Variants in ZNG1B observed in about 807,000 individuals in gnomAD.
ZNG1B encodes the protein Zn regulated GTPase metalloprotein activator 1B.
the ZNG1B span, among the ~76,000 whole-genome samples, chr2:113,488,551 G>C: frequency 6.6e-6 from 1 of 151,526 alleles, no homozygotes; most frequent in Non-Finnish European, 1.5e-5. Flanking sequence ...AATTCACTAG[G>C]TTGGTTATTA....
the ZNG1B span, among the ~76,000 whole-genome samples, chr2:113,484,961 G>A: frequency 7.2e-5 from 11 of 151,790 alleles, no homozygotes; most frequent in Admixed American, 1.3e-4. Flanking sequence ...CACTGTGCCC[G>A]GCCTCAATGT....
At chr2:113,445,800 T>TA in the ZNG1B span, among the ~76,000 whole-genome samples, 396 of 139,810 alleles carry the variant, frequency 2.8e-3, 9 homozygotes, top group Non-Finnish European at 5.2e-3. Flanking sequence ...ACCATTATTT[T>TA]TTTTTTTTTT....
the ZNG1B span, among the ~76,000 whole-genome samples, chr2:113,489,540 G>A: frequency 6.6e-6 from 1 of 152,062 alleles, no homozygotes. Context: ...GAATATAAAT[G>A]GCCTAAATGC....
the ZNG1B span, chr2:113,447,940 G>A: frequency 2.5e-6 from 1 of 407,450 alleles, no homozygotes; most frequent in Admixed American, 2.9e-5. Context: ...CATCTGTGAG[G>A]GCTGGAATCA....
At chr2:113,438,999 A>T in the ZNG1B span, 1 of 1,052,302 alleles carries the variant, frequency 9.5e-7, no homozygotes, top group Non-Finnish European at 1.4e-6. Flanking sequence ...AAAGGAATTT[A>T]TTTTTGGCGT....
At chr2:113,483,776 G>A in the ZNG1B span, among the ~76,000 whole-genome samples, 3 of 152,084 alleles carry the variant, frequency 2.0e-5, no homozygotes, top group African/African-American at 4.8e-5. Context: ...TCAAACGTGC[G>A]TAAGAGTAGA....
At chr2:113,444,912 A>C in the ZNG1B span, 1 of 1,603,666 alleles carries the variant, frequency 6.2e-7, no homozygotes, top group Non-Finnish European at 8.5e-7. Flanking sequence ...TATAATAATC[A>C]CTTCAAAATA....
the ZNG1B span, chr2:113,438,143 G>T: frequency 3.7e-6 from 6 of 1,602,044 alleles, 1 homozygote; most frequent in Admixed American, 1.7e-5. Flanking sequence ...TGTCTTCGAG[G>T]TAGGGGCTGG....
chr2:113,470,982 G>C, the ZNG1B span: 6 of 1,582,812 alleles, frequency 3.8e-6, no homozygotes, highest in Admixed American at 1.7e-5. Context: ...TGATTAATTG[G>C]ATGTATTTCA....
chr2:113,487,014 A>G, the ZNG1B span, among the ~76,000 whole-genome samples: 1 of 146,450 alleles, frequency 6.8e-6, no homozygotes, highest in South Asian at 2.2e-4. Flanking sequence ...GCATATTATT[A>G]TTACCTTATG....
At chr2:113,452,871 A>G in the ZNG1B span, among the ~76,000 whole-genome samples, 1 of 149,334 alleles carries the variant, frequency 6.7e-6, no homozygotes, top group Non-Finnish European at 1.5e-5. Context: ...CGGTAGAAGA[A>G]TGATGTTTTG....
chr2:113,486,823 A>G, the ZNG1B span, among the ~76,000 whole-genome samples: 6 of 152,198 alleles, frequency 3.9e-5, no homozygotes, highest in Admixed American at 3.9e-4. Flanking sequence ...CGACATTCTC[A>G]ATATAGTTTT....
At chr2:113,475,266 T>C in the ZNG1B span, among the ~76,000 whole-genome samples, 2 of 151,494 alleles carry the variant, frequency 1.3e-5, no homozygotes, top group Non-Finnish European at 2.9e-5. Flanking sequence ...TCTCTTTTGA[T>C]CTTTGTTGGT....
At chr2:113,492,218 G>A in the ZNG1B span, among the ~76,000 whole-genome samples, 1 of 140,018 alleles carries the variant, frequency 7.1e-6, no homozygotes, top group Non-Finnish European at 1.6e-5. Context: ...ATTCGCAATT[G>A]CAAAAACGTG....
the ZNG1B span, chr2:113,462,264 C>T: frequency 1.2e-6 from 1 of 846,384 alleles, no homozygotes; most frequent in Non-Finnish European, 1.8e-6. Flanking sequence ...CTATAGAGCA[C>T]TGTATAATTC....
chr2:113,476,764 G>T, the ZNG1B span, among the ~76,000 whole-genome samples: 37 of 152,218 alleles, frequency 2.4e-4, no homozygotes, highest in African/African-American at 6.7e-4. Context: ...CAGGTCTGTT[G>T]GAGTACCCGG....
At chr2:113,457,818 T>A in the ZNG1B span, among the ~76,000 whole-genome samples, 1 of 141,784 alleles carries the variant, frequency 7.1e-6, no homozygotes, top group Non-Finnish European at 1.5e-5. Flanking sequence ...TACAATAGAA[T>A]TAACTACAGT....
At chr2:113,486,008 A>T in the ZNG1B span, among the ~76,000 whole-genome samples, 3 of 141,514 alleles carry the variant, frequency 2.1e-5, no homozygotes, top group Admixed American at 2.2e-4. Context: ...GATTCAAAAC[A>T]AAAACTGGAA....
the ZNG1B span, among the ~76,000 whole-genome samples, chr2:113,448,892 G>A: frequency 6.6e-6 from 1 of 151,066 alleles, no homozygotes; most frequent in African/African-American, 2.4e-5. Flanking sequence ...GACAGAGCGA[G>A]ACTCCATCTC....
Sources: gnomAD v4.1 joint callset for allele counts (sites outside exome capture counted in the v4.1 genomes callset) on GRCh38, gnomAD v4.1.1 for gene constraint, MANE v1.5 for transcripts, NCBI Gene and HGNC (gene_info 2026-07-23, HGNC 2026-07-21) for gene names.